The following FAF1 variants were observed in gnomAD, a reference collection of about 807,000 sequenced individuals.
FAF1 encodes the protein Fas associated factor 1.
A neutral mutation model predicts 92.5 loss-of-function variants in FAF1; 25 were observed. That is an observed-to-expected ratio of 0.27 (90% confidence interval 0.20 to 0.38). The LOEUF is 0.38. FAF1 is among the 10% of genes least tolerant of loss of function. FAF1 has a pLI of 1.00. For missense variants in FAF1, 636 were observed against 793.3 expected (o/e 0.80, Z 2.38); for synonymous variants, 234 against 273.2 (o/e 0.86, Z 1.42).
intron 18 of FAF1, among the ~76,000 whole-genome samples, chr1:50,474,347 C>A (rs1415282329): frequency 6.6e-6 from 1 of 152,182 alleles, no homozygotes; most frequent in Non-Finnish European, 1.5e-5. Context: ...CAGACATGCT[C>A]CTATTTCTTC....
At chr1:50,861,949 G>A (rs2124670560) in intron 1 of FAF1, among the ~76,000 whole-genome samples, 1 of 151,986 alleles carries the variant, frequency 6.6e-6, no homozygotes. Flanking sequence ...GAACTACAAG[G>A]AGATAAATGT....
intron 7 of FAF1, among the ~76,000 whole-genome samples, chr1:50,680,229 A>G (rs114950434): frequency 0.013 from 1,981 of 152,312 alleles, 43 homozygotes; most frequent in African/African-American, 0.044. Flanking sequence ...TAGTTTTATC[A>G]CTAAATATTA....
At chr1:50,758,536 T>C (rs1440926322) in intron 4 of FAF1, among the ~76,000 whole-genome samples, 1 of 152,248 alleles carries the variant, frequency 6.6e-6, no homozygotes, top group Non-Finnish European at 1.5e-5. Context: ...TCAATTCTCA[T>C]TTAAATAAAT....
chr1:50,749,210 C>A (rs1460933167), intron 4 of FAF1, among the ~76,000 whole-genome samples: 1 of 152,132 alleles, frequency 6.6e-6, no homozygotes, highest in East Asian at 1.9e-4. Flanking sequence ...TAGAGCTGTA[C>A]CTGTCTGGAA....
intron 17 of FAF1, among the ~76,000 whole-genome samples, chr1:50,485,439 G>T (rs1646753083): frequency 6.6e-6 from 1 of 151,848 alleles, no homozygotes; most frequent in Non-Finnish European, 1.5e-5. Context: ...AAGGCAGGCA[G>T]ATCAGGAGGT....
chr1:50,758,570 A>T lies in FAF1; in HGVS notation c.368-13795T>A, dbSNP rs74080073. ...ATTTAAAAATACAGAAAAGGTTTTT[A>T]AAAAATGTGTAACCAAATATTTACA... On this transcript the variant is annotated intron_variant, in intron 4 of 18. Coordinates refer to ENST00000396153, the MANE Select transcript of FAF1 (RefSeq NM_007051.3). Among the ~76,000 whole-genome samples, 1,174 of 152,346 alleles carry T rather than the reference A, an allele frequency of 7.7e-3. 13 individuals are homozygous for T. The highest frequency in any genetic ancestry group is 0.027 in the African/African-American group (1,134 of 41,584).
intron 8 of FAF1, among the ~76,000 whole-genome samples, chr1:50,649,785 C>CAAA (rs535636319): frequency 6.9e-5 from 5 of 72,950 alleles, no homozygotes; most frequent in Non-Finnish European, 1.2e-4. Flanking sequence ...ACTAAAACTA[C>CAAA]AAAAAAAAAA....
intron 7 of FAF1, among the ~76,000 whole-genome samples, chr1:50,672,127 C>A (rs999787922): frequency 6.6e-6 from 1 of 151,928 alleles, no homozygotes; most frequent in Non-Finnish European, 1.5e-5. Context: ...CTCACTGCAA[C>A]CTCTGCCTCC....
chr1:50,559,290 A>G (rs1572833574), intron 13 of FAF1, among the ~76,000 whole-genome samples: 2 of 152,158 alleles, frequency 1.3e-5, no homozygotes. Flanking sequence ...AGAATGTTGA[A>G]TGTACTATAA....
intron 6 of FAF1, among the ~76,000 whole-genome samples, chr1:50,724,983 G>A (rs1658583811): frequency 6.6e-6 from 1 of 152,134 alleles, no homozygotes; most frequent in Non-Finnish European, 1.5e-5. Flanking sequence ...TGAGCATAAA[G>A]GTTCTCAGAT....
chr1:50,917,801 G>A (rs1482967826), intron 1 of FAF1, among the ~76,000 whole-genome samples: 1 of 152,018 alleles, frequency 6.6e-6, no homozygotes, highest in Non-Finnish European at 1.5e-5. Context: ...CAGAATCTAA[G>A]GTGAAATAAA....
chr1:50,514,979 C>G (rs1647198452), intron 15 of FAF1, among the ~76,000 whole-genome samples: 1 of 152,132 alleles, frequency 6.6e-6, no homozygotes. Flanking sequence ...TGGCATTAAC[C>G]TGTTAATCAA....
chr1:50,938,623 T>C (rs1295234203), intron 1 of FAF1, among the ~76,000 whole-genome samples: 1 of 152,236 alleles, frequency 6.6e-6, no homozygotes, highest in Non-Finnish European at 1.5e-5. Flanking sequence ...GCAATTACTT[T>C]TGGGGACTTA....
chr1:50,826,112 A>C (rs1644094742), intron 2 of FAF1, among the ~76,000 whole-genome samples: 1 of 152,152 alleles, frequency 6.6e-6, no homozygotes, highest in Non-Finnish European at 1.5e-5. Flanking sequence ...AATTACAAAA[A>C]TGAAAGCAAA....
intron 8 of FAF1, among the ~76,000 whole-genome samples, chr1:50,604,513 CT>C (rs1557430861): frequency 6.6e-6 from 1 of 152,164 alleles, no homozygotes; most frequent in South Asian, 2.1e-4. Context: ...TCTTTTTCTT[CT>C]TTTTTTGTTT....
chr1:50,592,695 C>T (rs1651578179), intron 9 of FAF1, among the ~76,000 whole-genome samples: 1 of 152,060 alleles, frequency 6.6e-6, no homozygotes, highest in South Asian at 2.1e-4. Flanking sequence ...CACCTGTAAC[C>T]CCAACACTTT....
chr1:50,469,618 C>T (rs1256588855), intron 18 of FAF1: 2 of 151,980 alleles, frequency 1.3e-5, no homozygotes, highest in Non-Finnish European at 2.9e-5. Context: ...AGACAGAGAT[C>T]ATCAAAGCCG....
At chr1:50,752,607 T>C (rs1659911268) in intron 4 of FAF1, among the ~76,000 whole-genome samples, 1 of 152,204 alleles carries the variant, frequency 6.6e-6, no homozygotes, top group African/African-American at 2.4e-5. Flanking sequence ...TTATCCATTT[T>C]CCACTTACTG....
At chr1:50,684,112 G>A (rs546963683) in intron 7 of FAF1, among the ~76,000 whole-genome samples, 1 of 152,002 alleles carries the variant, frequency 6.6e-6, no homozygotes, top group South Asian at 2.1e-4. Context: ...AAATTGAAAG[G>A]TGAGTTAGTT....
Sources: gnomAD v4.1 joint callset for allele counts (sites outside exome capture counted in the v4.1 genomes callset) on GRCh38, gnomAD v4.1.1 for gene constraint, MANE v1.5 for transcripts, NCBI Gene and HGNC (gene_info 2026-07-23, HGNC 2026-07-21) for gene names.